The following GPC6 variants were observed in gnomAD, a reference collection of about 807,000 sequenced individuals.
GPC6 encodes glypican 6, also known as glypican-6.
A neutral mutation model predicts 55.2 loss-of-function variants in GPC6; 14 were observed. That is an observed-to-expected ratio of 0.25 (90% CI 0.17 to 0.40). GPC6 has a LOEUF of 0.40. GPC6 is among the 10% of genes least tolerant of loss of function. The pLI is 1.00. For synonymous variants in GPC6, 278 were observed against 259.6 expected (o/e 1.07, Z -0.68); for missense variants, 641 against 708.5 (o/e 0.90, Z 1.08).
chr13:93,259,985 A>G (rs1035586309), intron 1 of GPC6, among the ~76,000 whole-genome samples: 1 of 152,148 alleles, frequency 6.6e-6, no homozygotes, highest in Non-Finnish European at 1.5e-5. Context: ...CTTACTTAAT[A>G]TGGCTTAGTT....
intron 2 of GPC6, among the ~76,000 whole-genome samples, chr13:93,708,355 T>C (rs1157687549): frequency 1.3e-5 from 2 of 151,812 alleles, no homozygotes; most frequent in Non-Finnish European, 2.9e-5. Flanking sequence ...TTCTGGCAAT[T>C]ATCTGCTGGC....
intron 7 of GPC6, among the ~76,000 whole-genome samples, chr13:94,398,080 G>T (rs965402937): frequency 6.6e-6 from 1 of 152,038 alleles, no homozygotes; most frequent in African/African-American, 2.4e-5. Context: ...CCAGCTATGT[G>T]GAACTGTGAA....
chr13:93,931,714 A>G (rs1878185121), intron 3 of GPC6, among the ~76,000 whole-genome samples: 1 of 149,056 alleles, frequency 6.7e-6, no homozygotes, highest in Admixed American at 6.7e-5. Context: ...CAGTGAGCCA[A>G]GATCGCGCCA....
At position 93,304,345 on chromosome 13, in the gene GPC6, A is replaced by C. The variant is rs117043939; in HGVS notation, c.160+76729A>C. Among the ~76,000 whole-genome samples, 53 of 152,310 alleles carry C rather than the reference A, an allele frequency of 3.5e-4. No individual in the cohort carries two copies. The Middle Eastern group carries it at 0.017, about 49-fold the overall frequency. ...TCAGTGCAGCCAGCGCGAGGTTTTC[A>C]AAGAATTGCTGCTGGCTTGTCTGCT... On this transcript the variant is annotated intron_variant, in intron 1 of 8. Coordinates refer to ENST00000377047, the MANE Select transcript of GPC6 (RefSeq NM_005708.5).
At chr13:94,232,104 G>C (rs1890746860) in intron 4 of GPC6, among the ~76,000 whole-genome samples, 1 of 152,174 alleles carries the variant, frequency 6.6e-6, no homozygotes, top group Non-Finnish European at 1.5e-5. Context: ...AAAGATCTCT[G>C]TTGCAGACAT....
intron 3 of GPC6, among the ~76,000 whole-genome samples, chr13:93,834,915 T>C (rs1349162902): frequency 1.3e-5 from 2 of 152,194 alleles, no homozygotes; most frequent in East Asian, 3.9e-4. Context: ...TTTAGCACTG[T>C]CCCTTTATTA....
At chr13:93,651,137 C>A (rs941166186) in intron 2 of GPC6, among the ~76,000 whole-genome samples, 20 of 152,120 alleles carry the variant, frequency 1.3e-4, no homozygotes, top group Admixed American at 1.3e-3. Context: ...ATAAATAAAG[C>A]AGCAGGACAT....
At chr13:93,782,348 T>C (rs1241486469) in intron 2 of GPC6, among the ~76,000 whole-genome samples, 2 of 152,220 alleles carry the variant, frequency 1.3e-5, no homozygotes, top group Non-Finnish European at 2.9e-5. Flanking sequence ...GACACTTAAG[T>C]TGATTCCATA....
At chr13:93,779,549 A>T (rs1395798535) in intron 2 of GPC6, among the ~76,000 whole-genome samples, 1 of 152,114 alleles carries the variant, frequency 6.6e-6, no homozygotes, top group Non-Finnish European at 1.5e-5. Context: ...GTGCCCCTCC[A>T]TTTCACTGTT....
chr13:93,825,357 T>G (rs1285717145), intron 2 of GPC6, among the ~76,000 whole-genome samples: 1 of 152,216 alleles, frequency 6.6e-6, no homozygotes, highest in Admixed American at 6.5e-5. Flanking sequence ...AGCACAGTGC[T>G]GAAGTTGACA....
At chr13:94,106,380 G>C (rs1017510591) in intron 4 of GPC6, among the ~76,000 whole-genome samples, 6 of 152,186 alleles carry the variant, frequency 3.9e-5, no homozygotes, top group Non-Finnish European at 5.9e-5. Context: ...AAAGGATAAC[G>C]TTGGTGAAAG....
intron 1 of GPC6, among the ~76,000 whole-genome samples, chr13:93,362,382 A>G (rs1025396859): frequency 2.0e-5 from 3 of 152,154 alleles, no homozygotes; most frequent in African/African-American, 7.2e-5. Context: ...TAGTACCCAT[A>G]AAGACATTAC....
intron 4 of GPC6, among the ~76,000 whole-genome samples, chr13:94,033,790 C>A (rs1409490828): frequency 6.6e-6 from 1 of 152,024 alleles, no homozygotes; most frequent in Non-Finnish European, 1.5e-5. Context: ...TTCCTTTAAA[C>A]CAAAGAAAAA....
In GPC6 at chr13:94,286,330, T is replaced by C; in HGVS notation, c.878-19T>C. On this transcript the variant is annotated intron_variant, in intron 4 of 8. Coordinates refer to ENST00000377047, the MANE Select transcript of GPC6 (RefSeq NM_005708.5). ...GAGCTCCCAGTTTGCAAATAAATCA[T>C]GTTCCTGTATTTTAACAGATGCAAT... The C allele has an allele frequency of 1.9e-6, 3 of 1,613,502 alleles. No individual in the cohort carries two copies. The highest frequency in any genetic ancestry group is 2.5e-6 in the Non-Finnish European group (3 of 1,179,608).
intron 3 of GPC6, among the ~76,000 whole-genome samples, chr13:93,950,103 T>G (rs1879187012): frequency 1.3e-5 from 2 of 152,194 alleles, no homozygotes; most frequent in Admixed American, 1.3e-4. Context: ...GGCATAACAC[T>G]GTGATTGCAC....
chr13:93,745,618 A>G (rs1884372039), intron 2 of GPC6, among the ~76,000 whole-genome samples: 4 of 152,306 alleles, frequency 2.6e-5, no homozygotes, highest in African/African-American at 4.8e-5. Flanking sequence ...ACTGTACTTC[A>G]AATTTTGATC....
rs191689201 is a variant in GPC6, at chr13:93,976,938, G to A, written c.712-50791G>A. On this transcript the variant is annotated intron_variant, in intron 3 of 8. Transcript: ENST00000377047. ...AACAGCATAAGAATATAAACAAGTCGTACTTCACATTTTAATTATCTCTAA... is the reference window on the plus strand; with the variant it reads ...AACAGCATAAGAATATAAACAAGTCATACTTCACATTTTAATTATCTCTAA... Among the ~76,000 whole-genome samples, 31 of 152,104 alleles carry A rather than the reference G, an allele frequency of 2.0e-4. No individual in the cohort carries two copies. The East Asian group carries it at 4.7e-3, about 23-fold the overall frequency.
intron 4 of GPC6, among the ~76,000 whole-genome samples, chr13:94,080,011 A>T (rs1245794190): frequency 6.6e-6 from 1 of 152,232 alleles, no homozygotes; most frequent in African/African-American, 2.4e-5. Context: ...AAGAAATGCC[A>T]TAAATGATAC....
At chr13:93,294,851 C>T (rs1878431844) in intron 1 of GPC6, among the ~76,000 whole-genome samples, 1 of 151,980 alleles carries the variant, frequency 6.6e-6, no homozygotes, top group South Asian at 2.1e-4. Context: ...GATTATTCTG[C>T]TTGGACATAC....
Sources: gnomAD v4.1 joint callset for allele counts (sites outside exome capture counted in the v4.1 genomes callset) on GRCh38, gnomAD v4.1.1 for gene constraint, MANE v1.5 for transcripts, NCBI Gene and HGNC (gene_info 2026-07-23, HGNC 2026-07-21) for gene names.